Variants in TXNDC11 observed in about 807,000 individuals in gnomAD.
The protein encoded by TXNDC11 is thioredoxin domain containing 11.
A neutral mutation model predicts 78.0 loss-of-function variants in TXNDC11; 68 were observed. That is an observed-to-expected ratio of 0.87 (90% CI 0.72 to 1.07). The LOEUF (loss-of-function observed/expected upper bound fraction) is 1.07, where lower values mean the gene tolerates loss of function less well. Among genes scored for constraint, TXNDC11 ranks in the 50% least tolerant of loss-of-function variants. The pLI is 0.00. For missense variants in TXNDC11, 1,389 were observed against 1,221.8 expected, an observed-to-expected ratio of 1.14 and a Z score of -2.04; for synonymous variants, 571 against 495.2, an observed-to-expected ratio of 1.15 and a Z score of -2.03.
chr16:11,700,641 T>G, intron 5 of TXNDC11, 77 bp from the exon 6 acceptor site: 2 of 720,608 alleles, frequency 2.8e-6, no homozygotes, highest in Admixed American at 4.5e-5. Context: ...GATCAAGTCT[T>G]GAAGCACAAA....
chr16:11,706,645 T>G (rs1358758932), intron 5 of TXNDC11, among the ~76,000 whole-genome samples: 1 of 152,204 alleles, frequency 6.6e-6, no homozygotes, highest in Non-Finnish European at 1.5e-5. Flanking sequence ...CTTCTCTTGC[T>G]TCCCACACCC....
In TXNDC11 at chr16:11,687,934, G is replaced by A. The variant is rs61739869; in HGVS notation, c.2076C>T (p.Cys692=). 1.6e-3 allele frequency: 2,512 copies of A among 1,613,670 alleles called. 38 individuals carry two copies. In the African/African-American group the frequency reaches 0.028, roughly 18 times the overall value. Residue 692 remains cysteine (C), a synonymous_variant, in exon 10 of 12, where the codon TGC becomes TGT. Coordinates refer to ENST00000283033, the MANE Select transcript of TXNDC11 (RefSeq NM_015914.7). Reference sequence around the variant, plus strand: ...TGTGATTGAGGGATGGACAGAAGCCGCACCACGGAGCGTAATAGAGCAGGA... The same window carrying A: ...TGTGATTGAGGGATGGACAGAAGCCACACCACGGAGCGTAATAGAGCAGGA... ...DVLLLYYAPW[C]GFCPSLNHIF...
At chr16:11,710,537 A>G (rs147057149) in intron 5 of TXNDC11, among the ~76,000 whole-genome samples, 107 of 152,336 alleles carry the variant, frequency 7.0e-4, no homozygotes, top group African/African-American at 2.4e-3. Flanking sequence ...GGCCATGATT[A>G]TACCAGGATA....
intron 7 of TXNDC11, among the ~76,000 whole-genome samples, chr16:11,692,511 G>A (rs533821653): frequency 6.6e-6 from 1 of 151,954 alleles, no homozygotes; most frequent in Non-Finnish European, 1.5e-5. Context: ...TAAGTGAAAC[G>A]GCAAAAGTCT....
chr16:11,679,683 G>A lies in TXNDC11; in HGVS notation c.2389C>T (p.Arg797Trp), dbSNP rs747450223. ...ECLQSEAVLQ[R>W]GHISHLEREI... ...CTCTCCAAGTGGGAGATGTGCCCCC[G>A]CTGTAAGACTGCCTCGCTCTGAAGA... is the stretch of plus-strand genomic sequence containing the variant. The change falls in exon 12 of 12, where the codon CGG becomes TGG. Residue 797 changes from arginine (R) to tryptophan (W), a missense_variant. Arg to Trp is a moderately radical substitution (Grantham distance 101, BLOSUM62 -3). Transcript: ENST00000283033. The surrounding 1 kb of genome is among the most constrained non-coding windows in gnomAD (Gnocchi z 4.6). The A allele has an allele frequency of 5.6e-6, 9 of 1,614,182 alleles. No individual in the cohort carries two copies. Among genetic ancestry groups the A allele is most frequent in the East Asian group, 2.2e-5 (1 of 44,880 alleles).
intron 4 of TXNDC11, among the ~76,000 whole-genome samples, chr16:11,729,442 C>A (rs1351163963): frequency 1.6e-5 from 2 of 126,142 alleles, no homozygotes; most frequent in African/African-American, 6.6e-5. Context: ...TGGGGAATCT[C>A]TGCTAATAGT....
rs1486429675 is a variant in TXNDC11 at position 11,725,232 on chromosome 16, A to ATTATTTTGT, written c.700-3563_700-3562insACAAAATAA. 3.9e-5 allele frequency among the ~76,000 whole-genome samples: 6 copies of ATTATTTTGT among 152,330 alleles called. No homozygotes were observed. The East Asian group carries it at 1.2e-3, about 29-fold the overall frequency. Reference sequence around the variant, plus strand: ...CTGAATATTGTGACTATCATACACAAAATAATCCCAGTTCTGCAGAATAAA... The same window carrying ATTATTTTGT: ...CTGAATATTGTGACTATCATACACAATTATTTTGTAATAATCCCAGTTCTGCAGAATAAA... On this transcript the variant is annotated intron_variant, in intron 4 of 11. Coordinates refer to ENST00000283033, the MANE Select transcript of TXNDC11 (RefSeq NM_015914.7).
chr16:11,717,642 A>C (rs1158027593), intron 5 of TXNDC11, among the ~76,000 whole-genome samples: 3 of 150,206 alleles, frequency 2.0e-5, no homozygotes, highest in Non-Finnish European at 2.9e-5. Context: ...CAACATGGTG[A>C]AACCCCGTCT....
At chr16:11,686,126 T>C (rs2050562106) in intron 10 of TXNDC11, among the ~76,000 whole-genome samples, 1 of 152,166 alleles carries the variant, frequency 6.6e-6, no homozygotes, top group Non-Finnish European at 1.5e-5. Context: ...ACTTGGCTAA[T>C]TTTTTATTTT....
intron 7 of TXNDC11, among the ~76,000 whole-genome samples, chr16:11,693,346 T>C (rs1255869574): frequency 6.6e-6 from 1 of 152,180 alleles, no homozygotes; most frequent in African/African-American, 2.4e-5. Flanking sequence ...GAGAAAGACA[T>C]GTAAGTTATA....
intron 7 of TXNDC11, among the ~76,000 whole-genome samples, chr16:11,693,896 C>T (rs1326642277): frequency 1.3e-5 from 2 of 152,164 alleles, no homozygotes; most frequent in Non-Finnish European, 2.9e-5. Flanking sequence ...CTCCCACCCA[C>T]TCCCGCAAAA....
intron 6 of TXNDC11, among the ~76,000 whole-genome samples, chr16:11,699,574 T>A (rs1214136966): frequency 1.3e-5 from 2 of 152,362 alleles, no homozygotes; most frequent in South Asian, 4.1e-4. Flanking sequence ...TTTTGGAATA[T>A]AAACTGCAAG....
chr16:11,685,984 A>G (rs958249428), intron 10 of TXNDC11, among the ~76,000 whole-genome samples: 4 of 151,976 alleles, frequency 2.6e-5, no homozygotes, highest in African/African-American at 9.7e-5. Flanking sequence ...TCTGAGACAC[A>G]GTCTTGCTCT....
At chr16:11,718,815 G>C (rs955770313) in intron 5 of TXNDC11, among the ~76,000 whole-genome samples, 1 of 152,196 alleles carries the variant, frequency 6.6e-6, no homozygotes, top group African/African-American at 2.4e-5. Flanking sequence ...AAGAGATGTA[G>C]AGAAAGTAAA....
chr16:11,695,854 C>T (rs1031155561), intron 7 of TXNDC11, among the ~76,000 whole-genome samples: 1 of 151,860 alleles, frequency 6.6e-6, no homozygotes, highest in Non-Finnish European at 1.5e-5. Context: ...GGTAACATGG[C>T]GAAACCCCAT....
In TXNDC11 at chr16:11,699,764, A is replaced by G. The variant is rs534349206; in HGVS notation, c.906+688T>C. Among the ~76,000 whole-genome samples the G allele has an allele frequency of 1.6e-4, 25 of 152,352 alleles. No homozygotes were observed. In the South Asian group the frequency reaches 5.2e-3, roughly 32 times the overall value. Reference sequence around the variant, plus strand: ...ACTGGGTGCAGGGAAATTGATCTGTATATGACCTGTAAGTTACTGACAGTG... The same window carrying G: ...ACTGGGTGCAGGGAAATTGATCTGTGTATGACCTGTAAGTTACTGACAGTG... On this transcript the variant is annotated intron_variant, in intron 6 of 11. Coordinates refer to ENST00000283033, the MANE Select transcript of TXNDC11 (RefSeq NM_015914.7).
chr16:11,742,713 G>A lies in TXNDC11; in HGVS notation c.18C>T (p.Gly6=), dbSNP rs1370375978. Residue 6 remains glycine, a synonymous_variant, in exon 1 of 12, where the codon GGC becomes GGT. Coordinates refer to ENST00000283033, the MANE Select transcript of TXNDC11 (RefSeq NM_015914.7). MSECG[G]RGGGSSSSED... Reference sequence around the variant, plus strand: ...CGCTGCTGCTGCTGCCGCCGCCGCGGCCTCCGCATTCCGACATTACATGCT... The same window carrying A: ...CGCTGCTGCTGCTGCCGCCGCCGCGACCTCCGCATTCCGACATTACATGCT... The A allele has an allele frequency of 6.1e-6, 9 of 1,484,146 alleles. No individual in the cohort carries two copies. Among genetic ancestry groups the A allele is most frequent in the African/African-American group, 4.4e-5 (3 of 68,262 alleles). The allele number at this position is 1,484,146 out of a possible 1,614,324, so 91.9% of individuals were successfully genotyped here.
rs2051709561 is a variant in TXNDC11 at position 11,721,608 on chromosome 16, G to GA, written c.761dup (p.Phe255LeufsTer24). 1 of 1,611,394 alleles carries GA rather than the reference G, an allele frequency of 6.2e-7. No individual in the cohort carries two copies. Among genetic ancestry groups the GA allele is most frequent in the African/African-American group, 1.3e-5 (1 of 74,806 alleles). On this transcript the variant is annotated frameshift_variant, in exon 5 of 12. Transcript: ENST00000283033. LOFTEE classifies it high-confidence loss of function. ...TTAATGAATGTAATGCTGAGGTGAA[G>GA]AAGGTCAAATAACCAGGAGGCTGGG... is the stretch of plus-strand genomic sequence containing the variant.
chr16:11,715,162 G>T (rs1183658423), intron 5 of TXNDC11, among the ~76,000 whole-genome samples: 1 of 151,856 alleles, frequency 6.6e-6, no homozygotes, highest in African/African-American at 2.4e-5. Context: ...TGAGGCAGGA[G>T]AATTGCTTGA....
Sources: gnomAD v4.1 joint callset for allele counts (sites outside exome capture counted in the v4.1 genomes callset) on GRCh38, gnomAD v4.1.1 for gene constraint, Gnocchi (gnomAD v3.1) non-coding constraint, MANE v1.5 for transcripts, NCBI Gene and HGNC (gene_info 2026-07-23, HGNC 2026-07-21) for gene names.